LRRC37A2: variants seen among roughly 807,000 people sequenced by gnomAD.
The protein encoded by LRRC37A2 is leucine rich repeat containing 37 member A2.
LRRC37A2 carries 9 observed loss-of-function variants against 68.8 expected under a neutral mutation model. The ratio of observed to expected loss-of-function variants is 0.13; its 90% confidence interval spans 0.08 to 0.23. The LOEUF (loss-of-function observed/expected upper bound fraction) is 0.23. LRRC37A2 is among the 10% of genes least tolerant of loss of function. The pLI is 1.00. For synonymous variants in LRRC37A2, 63 were observed against 367.6 expected (o/e 0.17, Z 9.48); for missense variants, 168 against 950.4 (o/e 0.18, Z 10.82).
the LRRC37A2 span, chr17:46,931,270 T>C: frequency 2.6e-5 from 22 of 838,388 alleles, no homozygotes; most frequent in Admixed American, 3.8e-4. Context: ...CTTTTCTCCC[T>C]GGGGGAGGTG....
At chr17:46,805,880 T>C in the LRRC37A2 span, among the ~76,000 whole-genome samples, 1 of 152,220 alleles carries the variant, frequency 6.6e-6, no homozygotes, top group Admixed American at 6.5e-5. Flanking sequence ...GTGGTGTCAC[T>C]GAAGGGCCTG....
At chr17:46,804,728 A>G in the LRRC37A2 span, among the ~76,000 whole-genome samples, 1 of 152,200 alleles carries the variant, frequency 6.6e-6, no homozygotes, top group African/African-American at 2.4e-5. Flanking sequence ...TCAACTGGGG[A>G]CTTGGAGAAC....
chr17:46,723,805 C>T, the LRRC37A2 span, among the ~76,000 whole-genome samples: 1 of 152,208 alleles, frequency 6.6e-6, no homozygotes, highest in African/African-American at 2.4e-5. Flanking sequence ...TCACCTAGAA[C>T]TCCACAATCT....
the LRRC37A2 span, chr17:46,726,744 G>A: frequency 1.2e-6 from 1 of 836,492 alleles, no homozygotes; most frequent in Admixed American, 1.9e-5. Context: ...TGTCTTACAA[G>A]GAAATATAAT....
chr17:46,839,912 TTTTCTTTCTTTC>T, the LRRC37A2 span, among the ~76,000 whole-genome samples: 10,317 of 113,336 alleles, frequency 0.091, 517 homozygotes, highest in Admixed American at 0.11. Context: ...ACATTTTCTC[TTTTCTTTCTTTC>T]TTTCTTTCTT....
At chr17:46,495,248 T>A in the LRRC37A2 span, among the ~76,000 whole-genome samples, 2 of 143,814 alleles carry the variant, frequency 1.4e-5, no homozygotes, top group Non-Finnish European at 3.0e-5. Flanking sequence ...CTTTCTTTCT[T>A]TTTAAATAGA....
the LRRC37A2 span, among the ~76,000 whole-genome samples, chr17:46,739,542 AAAAAACAC>A: frequency 5.3e-5 from 8 of 151,926 alleles, no homozygotes; most frequent in Non-Finnish European, 7.4e-5. Context: ...CTTGTCTCGA[AAAAAACAC>A]AAAAACATAA....
At chr17:46,836,473 T>G in the LRRC37A2 span, among the ~76,000 whole-genome samples, 57 of 152,242 alleles carry the variant, frequency 3.7e-4, 1 homozygote, top group African/African-American at 1.4e-3. Context: ...TGAATATCTT[T>G]GTGTTTTTTT....
chr17:46,879,280 G>T, the LRRC37A2 span, among the ~76,000 whole-genome samples: 1 of 152,134 alleles, frequency 6.6e-6, no homozygotes, highest in African/African-American at 2.4e-5. Context: ...AGGCCGGGTC[G>T]CTGGGAAGGA....
At chr17:46,739,370 CAAAAAA>C in the LRRC37A2 span, among the ~76,000 whole-genome samples, 1 of 53,192 alleles carries the variant, frequency 1.9e-5, no homozygotes, top group Non-Finnish European at 3.0e-5. Context: ...GACTCTGTCT[CAAAAAA>C]AAAAAAAAAA....
chr17:46,896,807 A>G, the LRRC37A2 span, among the ~76,000 whole-genome samples: 6 of 152,108 alleles, frequency 3.9e-5, no homozygotes, highest in Non-Finnish European at 5.9e-5. Context: ...CCTGGATTCC[A>G]GCGCCCAAGC....
At chr17:46,722,701 G>A in the LRRC37A2 span, among the ~76,000 whole-genome samples, 1 of 152,262 alleles carries the variant, frequency 6.6e-6, no homozygotes, top group East Asian at 1.9e-4. Flanking sequence ...GAAGAGTTAT[G>A]AGCACAGGTT....
At chr17:46,879,903 T>A in the LRRC37A2 span, among the ~76,000 whole-genome samples, 1 of 152,222 alleles carries the variant, frequency 6.6e-6, no homozygotes, top group African/African-American at 2.4e-5. Flanking sequence ...CAGGAACCCA[T>A]GGAGGCCACT....
the LRRC37A2 span, among the ~76,000 whole-genome samples, chr17:46,489,027 G>A: frequency 3.2e-5 from 3 of 93,468 alleles, no homozygotes; most frequent in Non-Finnish European, 7.0e-5. Context: ...TGAATGTCCC[G>A]CTTTAAAAAA....
At chr17:46,833,137 T>C in the LRRC37A2 span, 1 of 357,750 alleles carries the variant, frequency 2.8e-6, no homozygotes, top group South Asian at 2.1e-5. Flanking sequence ...CTCATGGCCC[T>C]GGCTGCCAAT....
the LRRC37A2 span, chr17:46,711,090 G>A: frequency 6.4e-7 from 1 of 1,560,008 alleles, no homozygotes; most frequent in Non-Finnish European, 8.6e-7. Flanking sequence ...AACAGTGACC[G>A]CACACCATTG....
the LRRC37A2 span, among the ~76,000 whole-genome samples, chr17:46,631,080 A>ACACACACACACACACACGCACG: frequency 6.9e-6 from 1 of 144,020 alleles, no homozygotes; most frequent in African/African-American, 2.9e-5. Flanking sequence ...ACACACACAC[A>ACACACACACACACACACGCACG]CACACACACA....
the LRRC37A2 span, among the ~76,000 whole-genome samples, chr17:46,960,900 G>A: frequency 2.6e-5 from 4 of 152,278 alleles, no homozygotes; most frequent in South Asian, 2.1e-4. Flanking sequence ...GGAGTATCTC[G>A]ATTGTGTTCA....
chr17:46,805,591 A>T, the LRRC37A2 span, among the ~76,000 whole-genome samples: 79 of 152,302 alleles, frequency 5.2e-4, no homozygotes, highest in African/African-American at 1.7e-3. Flanking sequence ...AAATAAAAAT[A>T]AAAATTAAAA....
Sources: gnomAD v4.1 joint callset for allele counts (sites outside exome capture counted in the v4.1 genomes callset) on GRCh38, gnomAD v4.1.1 for gene constraint, MANE v1.5 for transcripts, NCBI Gene and HGNC (gene_info 2026-07-23, HGNC 2026-07-21) for gene names.